The following MYRIP variants were observed in gnomAD, a reference collection of about 807,000 sequenced individuals.
MYRIP encodes the protein rab effector MyRIP.
In MYRIP, 49 loss-of-function variants were observed where a neutral mutation model predicts 98.0. That is an observed-to-expected ratio of 0.50 (90% CI 0.40 to 0.63). The LOEUF (loss-of-function observed/expected upper bound fraction) is 0.63, where lower values mean the gene tolerates loss of function less well. Among genes scored for constraint, MYRIP ranks in the 30% least tolerant of loss-of-function variants. MYRIP has a pLI of 0.00. For synonymous variants in MYRIP, 404 were observed against 409.5 expected (o/e 0.99, Z 0.16); for missense variants, 1,004 against 1,058.2 (o/e 0.95, Z 0.71).
At chr3:39,973,111 T>A (rs1046882279) in intron 2 of MYRIP, among the ~76,000 whole-genome samples, 9 of 152,090 alleles carry the variant, frequency 5.9e-5, no homozygotes, top group Non-Finnish European at 1.2e-4. Context: ...ACTGGCAAAT[T>A]GGATAAAGAG....
At chr3:40,152,062 C>T (rs1950135345) in intron 4 of MYRIP, among the ~76,000 whole-genome samples, 1 of 152,168 alleles carries the variant, frequency 6.6e-6, no homozygotes, top group African/African-American at 2.4e-5. Flanking sequence ...TCATTAGGGT[C>T]TTTTGTTGTC....
At chr3:40,159,440 T>A (rs1950326199) in intron 4 of MYRIP, among the ~76,000 whole-genome samples, 1 of 152,110 alleles carries the variant, frequency 6.6e-6, no homozygotes, top group Non-Finnish European at 1.5e-5. Flanking sequence ...TTTTCCTTCA[T>A]TTCAAGTTTG....
chr3:40,144,954 T>A (rs1242716481), intron 3 of MYRIP, among the ~76,000 whole-genome samples: 1 of 152,230 alleles, frequency 6.6e-6, no homozygotes, highest in Non-Finnish European at 1.5e-5. Flanking sequence ...TGTTGATTTA[T>A]GCATCTATGA....
intron 1 of MYRIP, among the ~76,000 whole-genome samples, chr3:39,834,863 A>G (rs1444590036): frequency 2.0e-5 from 3 of 152,180 alleles, no homozygotes; most frequent in Non-Finnish European, 2.9e-5. Context: ...TAAGGAAACA[A>G]TATATCACAA....
intron 3 of MYRIP, among the ~76,000 whole-genome samples, chr3:40,143,562 C>T (rs1021703336): frequency 1.3e-5 from 2 of 152,222 alleles, no homozygotes; most frequent in South Asian, 4.1e-4. Flanking sequence ...CAAGGAAGAG[C>T]TTCCAGAAAA....
At chr3:40,099,288 T>A (rs563803957) in intron 3 of MYRIP, among the ~76,000 whole-genome samples, 70 of 152,342 alleles carry the variant, frequency 4.6e-4, no homozygotes, top group African/African-American at 1.6e-3. Flanking sequence ...AATGCTATGC[T>A]TATTAATAAT....
intron 2 of MYRIP, among the ~76,000 whole-genome samples, chr3:40,008,300 A>G (rs749683744): frequency 1.3e-5 from 2 of 152,260 alleles, no homozygotes; most frequent in Non-Finnish European, 2.9e-5. Flanking sequence ...AGAAATTTCA[A>G]TAAGCTATGT....
At chr3:40,191,830 A>G (rs1026160963) in intron 10 of MYRIP, among the ~76,000 whole-genome samples, 1 of 152,172 alleles carries the variant, frequency 6.6e-6, no homozygotes, top group African/African-American at 2.4e-5. Flanking sequence ...TGTTGTCCAG[A>G]AACATGGAAT....
At chr3:40,214,995 C>T (rs964322667) in intron 11 of MYRIP, among the ~76,000 whole-genome samples, 1 of 151,960 alleles carries the variant, frequency 6.6e-6, no homozygotes, top group Non-Finnish European at 1.5e-5. Flanking sequence ...TGTAGATATG[C>T]GATAGAATAC....
rs529426365 is a variant in MYRIP, at chr3:40,167,503, A to G, written c.729+264A>G. Among the ~76,000 whole-genome samples, 90 of 152,122 alleles carry G rather than the reference A, an allele frequency of 5.9e-4. 2 individuals are homozygous for G. The South Asian group carries it at 0.018, about 30-fold the overall frequency. On this transcript the variant is annotated intron_variant, in intron 7 of 16. Transcript: ENST00000302541. ...GTCAATTACTTCTGAGAAACCAAAC[A>G]CCCCAAAACTCTGTGGCTTTTGACA...
chr3:40,061,028 TA>T (rs1948002839), intron 3 of MYRIP, among the ~76,000 whole-genome samples: 1 of 152,232 alleles, frequency 6.6e-6, no homozygotes, highest in African/African-American at 2.4e-5. Context: ...AACTTCATTA[TA>T]TTATGCATTT....
intron 3 of MYRIP, among the ~76,000 whole-genome samples, chr3:40,051,702 G>A (rs1352336586): frequency 6.6e-6 from 1 of 152,070 alleles, no homozygotes; most frequent in Non-Finnish European, 1.5e-5. Context: ...TCAAAACACA[G>A]CTCATTAAGC....
intron 1 of MYRIP, among the ~76,000 whole-genome samples, chr3:39,890,518 A>AT (rs894446304): frequency 6.6e-6 from 1 of 151,736 alleles, no homozygotes; most frequent in African/African-American, 2.4e-5. Context: ...AAAACTTAAT[A>AT]TTTTTGTATA....
intron 2 of MYRIP, among the ~76,000 whole-genome samples, chr3:39,940,732 A>G (rs1944764362): frequency 6.6e-6 from 1 of 152,196 alleles, no homozygotes; most frequent in Non-Finnish European, 1.5e-5. Flanking sequence ...CAAACAATAG[A>G]CTAAAAATGC....
chr3:40,077,172 G>A (rs550903778), intron 3 of MYRIP, among the ~76,000 whole-genome samples: 5 of 152,244 alleles, frequency 3.3e-5, no homozygotes, highest in African/African-American at 4.8e-5. Flanking sequence ...AGACCTTCGC[G>A]GTGAGTGTTA....
At chr3:40,171,915 T>C (rs1223517160) in intron 8 of MYRIP, among the ~76,000 whole-genome samples, 1 of 152,220 alleles carries the variant, frequency 6.6e-6, no homozygotes, top group Non-Finnish European at 1.5e-5. Flanking sequence ...CACACAATCA[T>C]GGTGGAAAGT....
At chr3:40,110,304 A>T (rs1949132564) in intron 3 of MYRIP, among the ~76,000 whole-genome samples, 1 of 152,236 alleles carries the variant, frequency 6.6e-6, no homozygotes, top group South Asian at 2.1e-4. Flanking sequence ...TGTTTTTATG[A>T]ACATAATAAA....
intron 3 of MYRIP, among the ~76,000 whole-genome samples, chr3:40,111,773 C>T (rs1020006214): frequency 2.0e-5 from 3 of 152,034 alleles, no homozygotes; most frequent in African/African-American, 4.8e-5. Flanking sequence ...AAAAGTTACC[C>T]AATTATTTGG....
At position 39,944,938 on chromosome 3, in the gene MYRIP, A is replaced by G. The variant is rs187534953; in HGVS notation, c.110+44012A>G. Among the ~76,000 whole-genome samples, 187 of 152,224 alleles carry G rather than the reference A, an allele frequency of 1.2e-3. 1 individual carries two copies. The highest frequency in any genetic ancestry group is 4.2e-3 in the African/African-American group (175 of 41,562). Reference sequence around the variant, plus strand: ...ATATATATACATAGACTTCATTAAAATATTACTAGAATTTAATCCTTCTGC... The same window carrying G: ...ATATATATACATAGACTTCATTAAAGTATTACTAGAATTTAATCCTTCTGC... On this transcript the variant is annotated intron_variant, in intron 2 of 16. Coordinates refer to ENST00000302541, the MANE Select transcript of MYRIP (RefSeq NM_015460.4).
Sources: allele counts gnomAD v4.1 joint callset (sites outside exome capture counted in the v4.1 genomes callset), GRCh38; gene constraint gnomAD v4.1.1; transcripts MANE v1.5; gene names NCBI Gene and HGNC (gene_info 2026-07-23, HGNC 2026-07-21).